The following CCDC85C variants were observed in gnomAD, a reference collection of about 807,000 sequenced individuals.
CCDC85C encodes the protein coiled-coil domain containing 85C.
Under a neutral mutation model 38.3 loss-of-function variants are expected in CCDC85C, and 18 were observed. The observed-to-expected ratio is 0.47, with a 90% CI of 0.33 to 0.70. The LOEUF (loss-of-function observed/expected upper bound fraction) is 0.70, where lower values mean the gene tolerates loss of function less well. CCDC85C is among the 30% of genes least tolerant of loss of function. The probability of loss-of-function intolerance (pLI) is 0.03; values close to 1 mark genes in which losing one functional copy is unlikely to be tolerated. For synonymous variants in CCDC85C, 264 were observed against 293.8 expected (o/e 0.90, Z 1.04); for missense variants, 566 against 621.2 (o/e 0.91, Z 0.94).
intron 1 of CCDC85C, among the ~76,000 whole-genome samples, chr14:99,594,526 A>G (rs2055122609): frequency 6.6e-6 from 1 of 152,228 alleles, no homozygotes. Flanking sequence ...ACCACGAGGC[A>G]GGTGATAAAA....
rs1042171173 is a variant in CCDC85C at position 99,535,910 on chromosome 14, T to C, written c.867+105A>G. ...AGGTGACAGGTGGCAGTGGGAGCAG[T>C]TGGGGGGACAGCCTAGGTCCCAAGG... On this transcript the variant is annotated intron_variant, in intron 2 of 5. Coordinates refer to ENST00000380243, the MANE Select transcript of CCDC85C (RefSeq NM_001144995.2). This position sits in a 1 kb window ranked among gnomAD's most constrained non-coding sequence, Gnocchi z 5.5. 35 of 827,172 alleles carry C rather than the reference T, an allele frequency of 4.2e-5. No individual in the cohort carries two copies. Among genetic ancestry groups the C allele is most frequent in the South Asian group, 3.6e-4 (24 of 66,802 alleles). 51.2% of individuals were successfully genotyped at this position (827,172 alleles called of 1,614,324 possible).
intron 1 of CCDC85C, among the ~76,000 whole-genome samples, chr14:99,537,048 C>A (rs543861798): frequency 6.6e-6 from 1 of 152,224 alleles, no homozygotes; most frequent in African/African-American, 2.4e-5. Flanking sequence ...AAGGAGGAGG[C>A]AAGGGGGAAG....
intron 1 of CCDC85C, among the ~76,000 whole-genome samples, chr14:99,575,900 G>C (rs913048441): frequency 6.6e-6 from 1 of 152,208 alleles, no homozygotes; most frequent in East Asian, 1.9e-4. Context: ...CTGCCTACAG[G>C]GGGCAGAGGT....
Position 99,571,619 on chromosome 14 carries a change from T to G in CCDC85C, c.793+31548A>C, listed in dbSNP as rs1363726441. 1.4e-4 allele frequency among the ~76,000 whole-genome samples: 22 copies of G among 152,224 alleles called. 1 individual carries two copies. Among genetic ancestry groups the G allele is most frequent in the Non-Finnish European group, 5.9e-5 (4 of 68,040 alleles). ...CAAACACAGTCATGGATGTTAAATGTGCTTTGTAGAATCTCAGATTCTTTT... is the reference window on the plus strand; with the variant it reads ...CAAACACAGTCATGGATGTTAAATGGGCTTTGTAGAATCTCAGATTCTTTT... On this transcript the variant is annotated intron_variant, in intron 1 of 5. Transcript: ENST00000380243.
In CCDC85C at chr14:99,591,569, G is replaced by A. The variant is rs570008103; in HGVS notation, c.793+11598C>T. The stretch of plus-strand genomic sequence containing the variant: ...TTTCAATCTGCGCAGGAGGCAGGAC[G>A]GGGGGGCCACCTGAGGGCCTGCAAT... On this transcript the variant is annotated intron_variant, in intron 1 of 5. Transcript: ENST00000380243. Among the ~76,000 whole-genome samples the A allele has an allele frequency of 5.4e-5, 7 of 128,748 alleles. No individual in the cohort carries two copies. The East Asian group carries it at 1.2e-3, about 22-fold the overall frequency. The allele number at this position is 128,748 out of a possible 152,430, so 84.5% of individuals were successfully genotyped here. A position where few individuals can be genotyped will look rare whatever the true frequency, so the allele number is the denominator to read the frequency against.
rs1431454221 is a variant in CCDC85C at position 99,603,450 on chromosome 14, G to A, written c.510C>T (p.Gly170=). The change falls in exon 1 of 6, where the codon GGC becomes GGT. Residue 170 remains glycine, a synonymous_variant. Transcript: ENST00000380243. The surrounding 1 kb of genome is among the most constrained non-coding windows in gnomAD (Gnocchi z 7.5). ...AGCTGCGGGAGCCGGCGCCGCCCCC[G>A]CCGCCGCCGCCACCGCTTGCGGCCC... ...ATGAASGGGG[G]GGGAGSRSSI... The A allele has an allele frequency of 5.6e-6, 7 of 1,259,482 alleles. No individual in the cohort carries two copies. The highest frequency in any genetic ancestry group is 5.6e-5 in the South Asian group (2 of 35,638). 78.0% of individuals were successfully genotyped at this position (1,259,482 alleles called of 1,614,324 possible).
Position 99,507,281 on chromosome 14 carries a change from C to G in CCDC85C, c.*7965G>C, listed in dbSNP as rs776580800. The stretch of plus-strand genomic sequence containing the variant: ...TGTCAGCCACAGGCAGGAATCTTTG[C>G]AAAATTGTTCTTGGGCTGGGCACAA... On this transcript the variant is annotated 3_prime_UTR_variant, in exon 6 of 6. Transcript: ENST00000380243. The G allele has an allele frequency of 6.9e-6, 5 of 720,040 alleles. No homozygotes were observed. The highest frequency in any genetic ancestry group is 4.4e-5 in the South Asian group (3 of 68,224). The allele number at this position is 720,040 out of a possible 1,614,324, so 44.6% of individuals were successfully genotyped here. A position where few individuals can be genotyped will look rare whatever the true frequency, so the allele number is the denominator to read the frequency against.
At chr14:99,575,965 T>C (rs898520209) in intron 1 of CCDC85C, among the ~76,000 whole-genome samples, 2 of 152,188 alleles carry the variant, frequency 1.3e-5, no homozygotes, top group Non-Finnish European at 2.9e-5. Flanking sequence ...TGGGCTGAGA[T>C]GACACCCCAT....
At position 99,515,030 on chromosome 14, in the gene CCDC85C, G is replaced by A. The variant is rs574552557; in HGVS notation, c.*216C>T. 5.0e-5 allele frequency: 26 copies of A among 515,686 alleles called. No individual in the cohort carries two copies. The highest frequency in any genetic ancestry group is 2.3e-4 in the African/African-American group (12 of 52,230). 31.9% of individuals were successfully genotyped at this position (515,686 alleles called of 1,614,324 possible). On this transcript the variant is annotated 3_prime_UTR_variant, in exon 6 of 6. Coordinates refer to ENST00000380243, the MANE Select transcript of CCDC85C (RefSeq NM_001144995.2). ...GCTGCAGGAACAGTCGCAGCGTCTC[G>A]TCTTCCCAGGTTGCTGGTGTATGAG...
chr14:99,553,747 A>G (rs1175920930), intron 1 of CCDC85C, among the ~76,000 whole-genome samples: 1 of 152,210 alleles, frequency 6.6e-6, no homozygotes, highest in East Asian at 1.9e-4. Context: ...CGAGCCCCCA[A>G]GGGCACAGAT....
chr14:99,571,244 C>T (rs1262763964), intron 1 of CCDC85C, among the ~76,000 whole-genome samples: 1 of 152,188 alleles, frequency 6.6e-6, no homozygotes, highest in Non-Finnish European at 1.5e-5. Flanking sequence ...ATGCAGGACT[C>T]TAACCTGGGC....
intron 1 of CCDC85C, among the ~76,000 whole-genome samples, chr14:99,594,900 G>T (rs1358611281): frequency 2.0e-5 from 3 of 152,240 alleles, no homozygotes; most frequent in Non-Finnish European, 4.4e-5. Context: ...GGCCCAGCAG[G>T]TGATGTGTCT....
chr14:99,543,440 A>T (rs1897750563), intron 1 of CCDC85C, among the ~76,000 whole-genome samples: 1 of 152,190 alleles, frequency 6.6e-6, no homozygotes, highest in Non-Finnish European at 1.5e-5. Flanking sequence ...AAGGAGCTGC[A>T]AGAATAACCA....
chr14:99,599,286 T>C (rs529050683), intron 1 of CCDC85C, among the ~76,000 whole-genome samples: 4 of 152,192 alleles, frequency 2.6e-5, no homozygotes, highest in South Asian at 2.1e-4. Context: ...TGCACAGGCT[T>C]GCTAGAATCC....
chr14:99,542,737 G>C (rs901831780), intron 1 of CCDC85C, among the ~76,000 whole-genome samples: 5 of 152,230 alleles, frequency 3.3e-5, no homozygotes, highest in African/African-American at 1.2e-4. Context: ...ACTAACCCTT[G>C]GCCGCTGCTT....
rs1896797718 is a variant in CCDC85C, at chr14:99,500,497, A to T, written c.*14749T>A. The T allele has an allele frequency of 2.8e-6, 1 of 359,148 alleles. No homozygotes were observed. The highest frequency in any genetic ancestry group is 6.2e-5 in the East Asian group (1 of 16,228). 22.2% of individuals were successfully genotyped at this position (359,148 alleles called of 1,614,324 possible). Reference sequence around the variant, plus strand: ...TTTGTAAAGGGAGACTCATGTATGTATTGAAAATAATAATATTTTTAAGGA... The same window carrying T: ...TTTGTAAAGGGAGACTCATGTATGTTTTGAAAATAATAATATTTTTAAGGA... On this transcript the variant is annotated 3_prime_UTR_variant, in exon 6 of 6. Transcript: ENST00000380243.
Position 99,521,293 on chromosome 14 carries a change from C to G in CCDC85C, c.975+840G>C, listed in dbSNP as rs111578555. ...TGGCGGGCTTTGCTGCCTGCACAGG[C>G]TCTACAGCTGCATTCCTGGAGAAGG... On this transcript the variant is annotated intron_variant, in intron 3 of 5. Transcript: ENST00000380243. Among the ~76,000 whole-genome samples the G allele has an allele frequency of 3.1e-3, 468 of 152,316 alleles. 3 individuals are homozygous for G. Among genetic ancestry groups the G allele is most frequent in the African/African-American group, 0.011 (453 of 41,574 alleles).
At chr14:99,562,164 C>G (rs1898129508) in intron 1 of CCDC85C, among the ~76,000 whole-genome samples, 1 of 152,154 alleles carries the variant, frequency 6.6e-6, no homozygotes, top group Non-Finnish European at 1.5e-5. Context: ...AAAGCACAAC[C>G]AGGCAGAAGA....
Position 99,503,857 on chromosome 14 carries a change from A to G in CCDC85C, c.*11389T>C, listed in dbSNP as rs542751074. On this transcript the variant is annotated 3_prime_UTR_variant, in exon 6 of 6. Transcript: ENST00000380243. The stretch of plus-strand genomic sequence containing the variant: ...TTACGAAGCTATCAGTACAGAAAAC[A>G]TTACTGGCAATAAAAATGTACTCAG... 11 of 561,336 alleles carry G rather than the reference A, an allele frequency of 2.0e-5. No individual in the cohort carries two copies. The South Asian group carries it at 2.3e-4, about 12-fold the overall frequency. 34.8% of individuals were successfully genotyped at this position (561,336 alleles called of 1,614,324 possible).
Sources: gnomAD v4.1 joint callset for allele counts (sites outside exome capture counted in the v4.1 genomes callset) on GRCh38, gnomAD v4.1.1 for gene constraint, Gnocchi (gnomAD v3.1) non-coding constraint, MANE v1.5 for transcripts, NCBI Gene and HGNC (gene_info 2026-07-23, HGNC 2026-07-21) for gene names.